The following TBL1XR1 variants were observed in gnomAD, a reference collection of about 807,000 sequenced individuals.
TBL1XR1 encodes the protein TBL1X/Y related 1.
Under a neutral mutation model 66.9 loss-of-function variants are expected in TBL1XR1, and 5 were observed. The observed-to-expected ratio is 0.07, with a 90% CI of 0.04 to 0.16. The LOEUF is 0.16. Among genes scored for constraint, TBL1XR1 ranks in the 10% least tolerant of loss-of-function variants. TBL1XR1 has a pLI of 1.00. For missense variants in TBL1XR1, 238 were observed against 623.2 expected (o/e 0.38, Z 6.58); for synonymous variants, 210 against 206.0 (o/e 1.02, Z -0.17).
At chr3:177,184,800 CA>C (rs35413456) in intron 1 of TBL1XR1, among the ~76,000 whole-genome samples, 71,477 of 135,852 alleles carry the variant, frequency 0.53, 17,698 homozygotes, top group Non-Finnish European at 0.59. Flanking sequence ...GACTGTGGCT[CA>C]AAAAAAAAAA....
At position 177,197,299 on chromosome 3, in the gene TBL1XR1, G is replaced by C. The variant is rs1320116111; in HGVS notation, c.-300C>G. Reference sequence around the variant, plus strand: ...CGCGGGGGATGGGCGCCGGGCGGGCGGGGGCGGGGAGCGCGGCGCGGGTCC... The same window carrying C: ...CGCGGGGGATGGGCGCCGGGCGGGCCGGGGCGGGGAGCGCGGCGCGGGTCC... On this transcript the variant is annotated 5_prime_UTR_variant, in exon 1 of 16. Coordinates refer to ENST00000457928, the MANE Select transcript of TBL1XR1 (RefSeq NM_024665.7). 1 of 149,674 alleles carries C rather than the reference G, an allele frequency of 6.7e-6. No homozygotes were observed. The highest frequency in any genetic ancestry group is 1.5e-5 in the Non-Finnish European group (1 of 66,866). The allele number at this position is 149,674 out of a possible 1,614,324, so 9.3% of individuals were successfully genotyped here.
chr3:177,074,356 T>C (rs1720422294), intron 2 of TBL1XR1, among the ~76,000 whole-genome samples: 2 of 152,204 alleles, frequency 1.3e-5, no homozygotes, highest in Admixed American at 6.5e-5. Flanking sequence ...AAGCATAAGA[T>C]AGGGTTTTCC....
chr3:177,120,908 T>C (rs1726908807), intron 1 of TBL1XR1: 1 of 152,210 alleles, frequency 6.6e-6, no homozygotes. Flanking sequence ...CTGGTCATAT[T>C]TTATACATGG....
chr3:177,049,009 T>G (rs1292781577), intron 7 of TBL1XR1, among the ~76,000 whole-genome samples: 1 of 152,210 alleles, frequency 6.6e-6, no homozygotes, highest in Non-Finnish European at 1.5e-5. Flanking sequence ...TACTACAATG[T>G]GCTAAACCCC....
intron 10 of TBL1XR1, among the ~76,000 whole-genome samples, chr3:177,042,409 A>G (rs1455617019): frequency 6.6e-6 from 1 of 152,192 alleles, no homozygotes; most frequent in Non-Finnish European, 1.5e-5. Context: ...AGTAGCATTA[A>G]AACAAACACG....
At chr3:177,166,520 C>G (rs1732842825) in intron 1 of TBL1XR1, among the ~76,000 whole-genome samples, 2 of 152,160 alleles carry the variant, frequency 1.3e-5, no homozygotes, top group Admixed American at 1.3e-4. Flanking sequence ...TTCCCCCATG[C>G]TGTTCTGATA....
intron 1 of TBL1XR1, among the ~76,000 whole-genome samples, chr3:177,180,382 C>T (rs942303125): frequency 3.4e-5 from 5 of 146,598 alleles, no homozygotes; most frequent in African/African-American, 5.0e-5. Context: ...TCCCCCCCCC[C>T]CCATTTAATA....
chr3:177,180,055 G>A (rs1056667656), intron 1 of TBL1XR1, among the ~76,000 whole-genome samples: 1 of 152,034 alleles, frequency 6.6e-6, no homozygotes, highest in Non-Finnish European at 1.5e-5. Flanking sequence ...TGGCCAACAT[G>A]GTGAAACCCT....
intron 2 of TBL1XR1, among the ~76,000 whole-genome samples, chr3:177,071,946 A>G (rs1340532547): frequency 6.6e-6 from 1 of 152,130 alleles, no homozygotes; most frequent in Non-Finnish European, 1.5e-5. Context: ...CAAACAAAAA[A>G]GCCCCCAGGG....
chr3:177,064,498 AAAT>A (rs1311052762), intron 3 of TBL1XR1, among the ~76,000 whole-genome samples: 1 of 152,312 alleles, frequency 6.6e-6, no homozygotes, highest in South Asian at 2.1e-4. Flanking sequence ...CACTTAATTC[AAAT>A]AATAATTTTG....
chr3:177,094,862 GT>G, intron 2 of TBL1XR1, among the ~76,000 whole-genome samples: 1 of 152,032 alleles, frequency 6.6e-6, no homozygotes, highest in Middle Eastern at 3.4e-3. Context: ...TACACACTGG[GT>G]ACAGTGTACA....
At chr3:177,061,641 T>G (rs2108528389) in intron 3 of TBL1XR1, among the ~76,000 whole-genome samples, 1 of 152,216 alleles carries the variant, frequency 6.6e-6, no homozygotes, top group East Asian at 1.9e-4. Context: ...TCCAATTCAG[T>G]GCTCTATTGC....
intron 1 of TBL1XR1, among the ~76,000 whole-genome samples, chr3:177,144,777 A>C (rs1438484626): frequency 1.3e-5 from 2 of 152,194 alleles, no homozygotes; most frequent in Admixed American, 6.5e-5. Flanking sequence ...AAAGAAAAAG[A>C]AAGCAGCCAT....
chr3:177,119,096 C>A (rs144549160), intron 1 of TBL1XR1, among the ~76,000 whole-genome samples: 4 of 152,090 alleles, frequency 2.6e-5, no homozygotes, highest in Non-Finnish European at 5.9e-5. Flanking sequence ...CTCAGCATCA[C>A]GGGTAGCTGG....
chr3:177,177,240 A>T (rs1164367650), intron 1 of TBL1XR1, among the ~76,000 whole-genome samples: 1 of 152,206 alleles, frequency 6.6e-6, no homozygotes, highest in Admixed American at 6.5e-5. Flanking sequence ...TCACGAGGTC[A>T]GGAGTCCGAG....
At chr3:177,187,143 G>A (rs188926352) in intron 1 of TBL1XR1, among the ~76,000 whole-genome samples, 2 of 148,886 alleles carry the variant, frequency 1.3e-5, no homozygotes, top group African/African-American at 2.5e-5. Flanking sequence ...CTCCAGCCTG[G>A]GCAACAGAGC....
At chr3:177,165,817 G>A (rs939802920) in intron 1 of TBL1XR1, among the ~76,000 whole-genome samples, 3 of 152,154 alleles carry the variant, frequency 2.0e-5, no homozygotes, top group Admixed American at 1.3e-4. Context: ...AGATCACAGA[G>A]CCAGGTTCAG....
At chr3:177,054,675 A>AT (rs1717577692) in intron 3 of TBL1XR1, among the ~76,000 whole-genome samples, 1 of 152,194 alleles carries the variant, frequency 6.6e-6, no homozygotes, top group African/African-American at 2.4e-5. Flanking sequence ...TTAAAAAATC[A>AT]TAACGGTTAA....
chr3:177,167,664 T>C (rs1404586722), intron 1 of TBL1XR1, among the ~76,000 whole-genome samples: 1 of 152,190 alleles, frequency 6.6e-6, no homozygotes, highest in Non-Finnish European at 1.5e-5. Context: ...GGCGCAGTGG[T>C]TCATGCCTGT....
Sources: gnomAD v4.1 joint callset for allele counts (sites outside exome capture counted in the v4.1 genomes callset) on GRCh38, gnomAD v4.1.1 for gene constraint, MANE v1.5 for transcripts, NCBI Gene and HGNC (gene_info 2026-07-23, HGNC 2026-07-21) for gene names.